The following WDR41 variants were observed in gnomAD, a reference collection of about 807,000 sequenced individuals.
WDR41 encodes WD repeat domain 41.
A neutral mutation model predicts 69.3 loss-of-function variants in WDR41; 63 were observed. The ratio of observed to expected loss-of-function variants is 0.91; its 90% CI spans 0.74 to 1.12. The LOEUF is 1.12. Among genes scored for constraint, WDR41 ranks in the 50% most tolerant of loss-of-function variants. The pLI, the probability that WDR41 is intolerant of heterozygous loss-of-function variation, is 0.00. For missense variants in WDR41, 543 were observed against 534.5 expected, an observed-to-expected ratio of 1.02 and a Z score of -0.16; for synonymous variants, 185 against 192.1, an observed-to-expected ratio of 0.96 and a Z score of 0.31.
At chr5:77,497,803 A>G (rs1199954835) in intron 1 of WDR41, among the ~76,000 whole-genome samples, 1 of 152,240 alleles carries the variant, frequency 6.6e-6, no homozygotes, top group East Asian at 1.9e-4. Flanking sequence ...CAATGTTGAC[A>G]TCAGCACTAT....
In WDR41 at chr5:77,442,296, G is replaced by C. The variant is rs533007892; in HGVS notation, c.698-1299C>G. Among the ~76,000 whole-genome samples the C allele has an allele frequency of 1.3e-4, 20 of 152,094 alleles. No individual in the cohort carries two copies. In the South Asian group the frequency reaches 4.1e-3, roughly 32 times the overall value. ...ATAACTACACATCGAATTGAGAATT[G>C]AATAAGACATCAACAAAATGAAATA... On this transcript the variant is annotated intron_variant, in intron 8 of 12. Coordinates refer to ENST00000296679, the MANE Select transcript of WDR41 (RefSeq NM_018268.4).
intron 1 of WDR41, among the ~76,000 whole-genome samples, chr5:77,559,633 A>G (rs1743485888): frequency 6.6e-6 from 1 of 151,052 alleles, no homozygotes; most frequent in South Asian, 2.1e-4. Flanking sequence ...AGCATTATAT[A>G]TAATATATAT....
chr5:77,538,428 A>G (rs1044676254), intron 1 of WDR41, among the ~76,000 whole-genome samples: 3 of 152,130 alleles, frequency 2.0e-5, no homozygotes, highest in African/African-American at 7.2e-5. Context: ...AATGGGTAGC[A>G]TTTCATTTCA....
At chr5:77,596,562 TA>T (rs1744231823) in intron 1 of WDR41, among the ~76,000 whole-genome samples, 2 of 152,146 alleles carry the variant, frequency 1.3e-5, no homozygotes, top group Non-Finnish European at 2.9e-5. Context: ...GGAGTCTTGC[TA>T]TGCTGCCCAG....
chr5:77,465,160 T>C (rs184507563), intron 2 of WDR41, among the ~76,000 whole-genome samples: 46 of 152,306 alleles, frequency 3.0e-4, no homozygotes, highest in African/African-American at 1.1e-3. Context: ...AGTGATATTC[T>C]AGGAAGTGAT....
chr5:77,505,700 T>C (rs1414934361), intron 1 of WDR41, among the ~76,000 whole-genome samples: 1 of 151,954 alleles, frequency 6.6e-6, no homozygotes, highest in Non-Finnish European at 1.5e-5. Flanking sequence ...TATAGACCAA[T>C]GGAACAGAAC....
At chr5:77,464,079 C>T (rs1650272554) in intron 3 of WDR41, among the ~76,000 whole-genome samples, 1 of 151,672 alleles carries the variant, frequency 6.6e-6, no homozygotes, top group Non-Finnish European at 1.5e-5. Context: ...TTAAGTCAAA[C>T]ATGAGAAAAA....
chr5:77,481,881 T>G (rs75856376), intron 2 of WDR41, among the ~76,000 whole-genome samples: 3,354 of 152,274 alleles, frequency 0.022, 92 homozygotes, highest in African/African-American at 0.067. Context: ...TTCATCTGTA[T>G]GATTCCTACA....
chr5:77,547,802 CAA>C lies in WDR41; in HGVS notation c.43-58232_43-58231del, dbSNP rs903946971. Among the ~76,000 whole-genome samples the C allele has an allele frequency of 4.7e-4, 71 of 152,118 alleles. 1 individual carries two copies. The highest frequency in any genetic ancestry group is 1.7e-3 in the African/African-American group (69 of 41,468). On this transcript the variant is annotated intron_variant, in intron 1 of 5. Coordinates refer to the WDR41 transcript ENST00000509971. Reference sequence around the variant, plus strand: ...AATAATTCTAAAATTCATATGGAACCAAAAGAGAGGCCTCATGGCCAAAGCAA... The same window carrying C: ...AATAATTCTAAAATTCATATGGAACCAAGAGAGGCCTCATGGCCAAAGCAA...
intron 2 of WDR41, among the ~76,000 whole-genome samples, chr5:77,479,520 A>T (rs1024375740): frequency 6.6e-6 from 1 of 152,174 alleles, no homozygotes; most frequent in Admixed American, 6.5e-5. Flanking sequence ...ATAACGCCGC[A>T]TATCTACAAC....
chr5:77,592,139 T>C (rs1744147352), intron 1 of WDR41, among the ~76,000 whole-genome samples: 1 of 152,212 alleles, frequency 6.6e-6, no homozygotes, highest in Non-Finnish European at 1.5e-5. Flanking sequence ...TTATCTGGTA[T>C]TACTGTCACC....
At chr5:77,476,586 G>A (rs1231922403) in intron 2 of WDR41, among the ~76,000 whole-genome samples, 1 of 151,072 alleles carries the variant, frequency 6.6e-6, no homozygotes, top group Non-Finnish European at 1.5e-5. Context: ...CTTCATAAGT[G>A]AAGGAGAAAT....
Position 77,572,457 on chromosome 5 carries a change from A to G in WDR41, c.42+48022T>C, listed in dbSNP as rs1006668680. On this transcript the variant is annotated intron_variant, in intron 1 of 5. Coordinates refer to the WDR41 transcript ENST00000509971. ...AAGAGCTATAATTCTAAAAAATGTTACTTCAAGGGCCTTTTATTTTGTTTC... is the reference window on the plus strand; with the variant it reads ...AAGAGCTATAATTCTAAAAAATGTTGCTTCAAGGGCCTTTTATTTTGTTTC... Among the ~76,000 whole-genome samples, 3 of 152,180 alleles carry G rather than the reference A, an allele frequency of 2.0e-5. No individual in the cohort carries two copies. In the South Asian group the frequency reaches 6.2e-4, roughly 31 times the overall value.
At position 77,463,176 on chromosome 5, in the gene WDR41, A is replaced by T; in HGVS notation, c.267T>A (p.Ala89=). The part of the protein sequence containing the change: ...ELNGHTQKIT[A]IITFPSLESC... ...ATTCCAAGGAAGGAAATGTAATAATAGCTGTTATCTTTTGAGTGTGTCCAT... is the reference window on the plus strand; with the variant it reads ...ATTCCAAGGAAGGAAATGTAATAATTGCTGTTATCTTTTGAGTGTGTCCAT... Residue 89 remains alanine (A), a synonymous_variant, in exon 4 of 13, where the codon GCT becomes GCA. Transcript: ENST00000296679. 6.2e-7 allele frequency: 1 copy of T among 1,612,900 alleles called. No individual in the cohort carries two copies. Among genetic ancestry groups the T allele is most frequent in the Non-Finnish European group, 8.5e-7 (1 of 1,179,408 alleles).
chr5:77,494,678 A>G (rs897328412), upstream of WDR41, among the ~76,000 whole-genome samples: 1 of 152,192 alleles, frequency 6.6e-6, no homozygotes, highest in Non-Finnish European at 1.5e-5. Flanking sequence ...AAAACTTAAC[A>G]GAATTGAAGA....
In WDR41 at chr5:77,551,142, G is replaced by A. The variant is rs180700961; in HGVS notation, c.43-61570C>T. 1.1e-3 allele frequency among the ~76,000 whole-genome samples: 173 copies of A among 152,108 alleles called. 4 individuals are homozygous for A. Among genetic ancestry groups the A allele is most frequent in the Admixed American group, 0.011 (164 of 15,292 alleles). ...CTGGGTGACAGGATCATTTGTACCC[G>A]AAACCTCAGCATCATGCTATGTACT... On this transcript the variant is annotated intron_variant, in intron 1 of 5. Transcript: ENST00000509971.
chr5:77,601,834 T>C (rs1402915571), intron 1 of WDR41, among the ~76,000 whole-genome samples: 2 of 152,242 alleles, frequency 1.3e-5, no homozygotes, highest in Admixed American at 1.3e-4. Flanking sequence ...TACTTTTTAT[T>C]GATACATAAT....
chr5:77,479,460 G>A (rs443257), intron 2 of WDR41, among the ~76,000 whole-genome samples: 13 of 151,832 alleles, frequency 8.6e-5, no homozygotes, highest in Admixed American at 2.0e-4. Context: ...GCATGGTACT[G>A]GTACCAAAAC....
At chr5:77,553,450 C>T (rs967251546) in intron 1 of WDR41, among the ~76,000 whole-genome samples, 1 of 152,116 alleles carries the variant, frequency 6.6e-6, no homozygotes, top group Non-Finnish European at 1.5e-5. Flanking sequence ...TTAATCACTT[C>T]CCCAAAAGAC....
Sources: gnomAD v4.1 joint callset for allele counts (sites outside exome capture counted in the v4.1 genomes callset) on GRCh38, gnomAD v4.1.1 for gene constraint, MANE v1.5 for transcripts, NCBI Gene and HGNC (gene_info 2026-07-23, HGNC 2026-07-21) for gene names.